The following RASAL2 variants were observed in gnomAD, a reference collection of about 807,000 sequenced individuals.
The protein encoded by RASAL2 is ras GTPase-activating protein nGAP.
A neutral mutation model predicts 128.9 loss-of-function variants in RASAL2; 58 were observed. The observed-to-expected ratio is 0.45, with a 90% CI of 0.36 to 0.56. The LOEUF is 0.56. RASAL2 is among the 20% of genes least tolerant of loss of function. RASAL2 has a pLI of 0.00. For missense variants in RASAL2, 1,360 were observed against 1,601.6 expected (o/e 0.85, Z 2.57); for synonymous variants, 561 against 580.8 (o/e 0.97, Z 0.49).
At position 178,474,673 on chromosome 1, in the gene RASAL2, C is replaced by T. The variant is rs913584145; in HGVS notation, c.*1434C>T. 6.6e-6 allele frequency: 1 copy of T among 151,584 alleles called. No individual in the cohort carries two copies. Among genetic ancestry groups the T allele is most frequent in the African/African-American group, 2.4e-5 (1 of 41,290 alleles). The allele number at this position is 151,584 out of a possible 1,614,324, so 9.4% of individuals were successfully genotyped here. ...GAAGTATGGAAGGTTACATGTTAAA[C>T]AGACATTATATATACAAATATATAT... On this transcript the variant is annotated 3_prime_UTR_variant, in exon 18 of 18. Coordinates refer to ENST00000367649, the MANE Select transcript of RASAL2 (RefSeq NM_170692.4).
intron 1 of RASAL2, among the ~76,000 whole-genome samples, chr1:178,137,937 G>T (rs1660386392): frequency 6.6e-6 from 1 of 152,106 alleles, no homozygotes; most frequent in African/African-American, 2.4e-5. Flanking sequence ...TATAGAGATT[G>T]TTCTTACTCT....
chr1:178,458,576 T>C, intron 14 of RASAL2, 32 bp downstream of exon 14: 1 of 1,549,304 alleles, frequency 6.5e-7, no homozygotes, highest in Non-Finnish European at 8.7e-7. Context: ...GCCTGGCTTC[T>C]ACTTGGTCCA....
At chr1:178,448,619 G>T (rs969983067) in intron 9 of RASAL2, among the ~76,000 whole-genome samples, 1 of 151,688 alleles carries the variant, frequency 6.6e-6, no homozygotes, top group African/African-American at 2.4e-5. Context: ...TATATCTCAT[G>T]ATTTGCTTTA....
At chr1:178,377,474 A>T (rs1672052339) in intron 3 of RASAL2, among the ~76,000 whole-genome samples, 2 of 152,158 alleles carry the variant, frequency 1.3e-5, no homozygotes, top group South Asian at 4.1e-4. Context: ...GCATTTACCA[A>T]TTTTAGAATA....
At chr1:178,471,409 A>G (rs1281795283) in intron 17 of RASAL2, among the ~76,000 whole-genome samples, 1 of 152,128 alleles carries the variant, frequency 6.6e-6, no homozygotes, top group East Asian at 1.9e-4. Flanking sequence ...TTTAATAATA[A>G]TTATTTTTTA....
chr1:178,337,038 G>C (rs1669621094), intron 3 of RASAL2, among the ~76,000 whole-genome samples: 1 of 151,638 alleles, frequency 6.6e-6, no homozygotes, highest in South Asian at 2.1e-4. Context: ...ATTTGATTTT[G>C]CCTACTCCCT....
At chr1:178,387,036 C>A (rs1672616664) in intron 3 of RASAL2, among the ~76,000 whole-genome samples, 1 of 152,180 alleles carries the variant, frequency 6.6e-6, no homozygotes, top group South Asian at 2.1e-4. Context: ...TACCTTGCTT[C>A]TAAGTGGACA....
chr1:178,349,454 G>C (rs1446022618), intron 3 of RASAL2, among the ~76,000 whole-genome samples: 1 of 151,890 alleles, frequency 6.6e-6, no homozygotes, highest in Non-Finnish European at 1.5e-5. Context: ...ACCAGTCTAT[G>C]TGTGCCATCA....
intron 5 of RASAL2, among the ~76,000 whole-genome samples, chr1:178,429,457 C>T (rs922344789): frequency 6.6e-6 from 1 of 152,120 alleles, no homozygotes; most frequent in African/African-American, 2.4e-5. Context: ...CATTCTCTGA[C>T]CACTTTTTAT....
rs548871763 is a variant in RASAL2 at position 178,212,014 on chromosome 1, T to G, written c.203-71550T>G. 9.9e-4 allele frequency among the ~76,000 whole-genome samples: 151 copies of G among 152,342 alleles called. 1 individual carries two copies. The highest frequency in any genetic ancestry group is 1.3e-3 in the Non-Finnish European group (91 of 68,028). ...TGAATGTTACGGCTTGAGCAGTATT[T>G]TTTTATTCTATCCCACTTAATATTC... On this transcript the variant is annotated intron_variant, in intron 1 of 17. Coordinates refer to ENST00000367649, the MANE Select transcript of RASAL2 (RefSeq NM_170692.4).
rs533263723 is a variant in RASAL2, at chr1:178,330,565, T to C, written c.457+30447T>C. ...ATAGACTTTTTCACATAATTGTAGT[T>C]GCAGTGGGCTGTAGTCTGGGTCATG... On this transcript the variant is annotated intron_variant, in intron 3 of 17. Coordinates refer to ENST00000367649, the MANE Select transcript of RASAL2 (RefSeq NM_170692.4). 2.9e-3 allele frequency among the ~76,000 whole-genome samples: 445 copies of C among 152,308 alleles called. 4 individuals are homozygous for C. Among genetic ancestry groups the C allele is most frequent in the Non-Finnish European group, 4.2e-3 (287 of 68,016 alleles).
At chr1:178,214,243 C>T (rs1044173724) in intron 1 of RASAL2, among the ~76,000 whole-genome samples, 4 of 152,110 alleles carry the variant, frequency 2.6e-5, no homozygotes, top group African/African-American at 7.2e-5. Context: ...CACTGCTCTC[C>T]AGCCTGGATG....
chr1:178,237,444 G>A (rs963089239), intron 1 of RASAL2, among the ~76,000 whole-genome samples: 6 of 152,188 alleles, frequency 3.9e-5, no homozygotes, highest in Non-Finnish European at 8.8e-5. Flanking sequence ...TAGGGATATA[G>A]TGGGAGAGTA....
intron 1 of RASAL2, among the ~76,000 whole-genome samples, chr1:178,203,203 A>G (rs1013578910): frequency 1.3e-5 from 2 of 152,216 alleles, no homozygotes; most frequent in Non-Finnish European, 2.9e-5. Context: ...ATCCACTGTC[A>G]TGGTATTCCA....
At chr1:178,290,259 G>A (rs1361386462) in intron 2 of RASAL2, among the ~76,000 whole-genome samples, 1 of 152,154 alleles carries the variant, frequency 6.6e-6, no homozygotes, top group Non-Finnish European at 1.5e-5. Flanking sequence ...AATGAATGTT[G>A]CAAAAGCCAA....
chr1:178,276,533 G>A lies in RASAL2; in HGVS notation c.203-7031G>A, dbSNP rs61813811. ...ACAATTTTTTTGTTTTTTTTTTTGA[G>A]ACAAGGTGTTATTCTGTTGCCCAGG... On this transcript the variant is annotated intron_variant, in intron 1 of 17. Transcript: ENST00000367649. Among the ~76,000 whole-genome samples the A allele has an allele frequency of 4.0e-5, 6 of 149,506 alleles. No homozygotes were observed. In the South Asian group the frequency reaches 1.1e-3, roughly 26 times the overall value.
At chr1:178,261,098 G>C (rs1010531974) in intron 1 of RASAL2, among the ~76,000 whole-genome samples, 1 of 152,144 alleles carries the variant, frequency 6.6e-6, no homozygotes, top group African/African-American at 2.4e-5. Context: ...TTATTAAACA[G>C]CTCTTTGGAA....
chr1:178,146,930 G>A (rs962826329), intron 1 of RASAL2, among the ~76,000 whole-genome samples: 4 of 152,184 alleles, frequency 2.6e-5, no homozygotes, highest in Admixed American at 6.5e-5. Flanking sequence ...AAGGGTTGGC[G>A]TGAATGCCAA....
intron 1 of RASAL2, among the ~76,000 whole-genome samples, chr1:178,161,192 C>A (rs1226377492): frequency 6.6e-6 from 1 of 151,646 alleles, no homozygotes; most frequent in South Asian, 2.1e-4. Flanking sequence ...GTACTTTGTA[C>A]AATATCTTTT....
Sources: gnomAD v4.1 joint callset for allele counts (sites outside exome capture counted in the v4.1 genomes callset) on GRCh38, gnomAD v4.1.1 for gene constraint, MANE v1.5 for transcripts, NCBI Gene and HGNC (gene_info 2026-07-23, HGNC 2026-07-21) for gene names.